NUMB: variants seen among roughly 807,000 people sequenced by gnomAD.
NUMB encodes the protein NUMB endocytic adaptor protein.
A neutral mutation model predicts 59.7 loss-of-function variants in NUMB; 29 were observed. That is an observed-to-expected ratio of 0.49 (90% confidence interval 0.36 to 0.66). The LOEUF is 0.66. Ranked by LOEUF, NUMB falls within the 30% of genes least tolerant of loss-of-function variation. The pLI is 0.00. For synonymous variants in NUMB, 288 were observed against 288.2 expected (o/e 1.00, Z 0.01); for missense variants, 723 against 822.0 (o/e 0.88, Z 1.47).
At chr14:73,434,965 G>C (rs1000924664) in intron 1 of NUMB, among the ~76,000 whole-genome samples, 2 of 151,884 alleles carry the variant, frequency 1.3e-5, no homozygotes, top group African/African-American at 2.4e-5. Flanking sequence ...AATAAATCTG[G>C]ATCCATAAGT....
At chr14:73,455,270 G>C (rs1794296151) in intron 1 of NUMB, among the ~76,000 whole-genome samples, 1 of 152,076 alleles carries the variant, frequency 6.6e-6, no homozygotes, top group Non-Finnish European at 1.5e-5. Context: ...AGATTTTAAA[G>C]AAAGCTGCAA....
chr14:73,397,906 C>G (rs752800563), intron 2 of NUMB, among the ~76,000 whole-genome samples: 1 of 152,148 alleles, frequency 6.6e-6, no homozygotes, highest in Non-Finnish European at 1.5e-5. Flanking sequence ...CTGTGTTAAC[C>G]TGGCCTTGAT....
intron 1 of NUMB, among the ~76,000 whole-genome samples, chr14:73,451,811 C>G (rs1329386743): frequency 2.6e-5 from 4 of 152,202 alleles, no homozygotes; most frequent in Non-Finnish European, 5.9e-5. Context: ...TTATTCAGAG[C>G]TAAGCAGTAT....
intron 2 of NUMB, among the ~76,000 whole-genome samples, chr14:73,398,036 T>C (rs1347061340): frequency 1.3e-5 from 2 of 152,018 alleles, no homozygotes; most frequent in Non-Finnish European, 2.9e-5. Flanking sequence ...TGCCCTAGAA[T>C]CCAAGCGGAA....
intron 4 of NUMB, among the ~76,000 whole-genome samples, chr14:73,343,763 A>G (rs74064611): frequency 7.8e-6 from 1 of 127,768 alleles, no homozygotes; most frequent in African/African-American, 3.1e-5. Context: ...CTTTGTGTTG[A>G]TATCAAAAAG....
intron 1 of NUMB, among the ~76,000 whole-genome samples, chr14:73,443,487 C>T (rs1232757034): frequency 6.6e-6 from 1 of 150,842 alleles, no homozygotes; most frequent in Non-Finnish European, 1.5e-5. Flanking sequence ...CCCAGCTAAT[C>T]AGGAGGCTGA....
chr14:73,294,560 G>C (rs1889628481), intron 7 of NUMB, among the ~76,000 whole-genome samples: 1 of 151,312 alleles, frequency 6.6e-6, no homozygotes, highest in African/African-American at 2.4e-5. Flanking sequence ...TGTCGCCCAG[G>C]CTGCTGGAGT....
chr14:73,431,376 C>T (rs1302463868), intron 1 of NUMB, among the ~76,000 whole-genome samples: 1 of 151,592 alleles, frequency 6.6e-6, no homozygotes, highest in Non-Finnish European at 1.5e-5. Context: ...GTGCTTTGGC[C>T]TCCCTAGTAG....
At chr14:73,322,343 G>A (rs1029490840) in intron 5 of NUMB, among the ~76,000 whole-genome samples, 1 of 152,204 alleles carries the variant, frequency 6.6e-6, no homozygotes, top group Admixed American at 6.5e-5. Context: ...TGAATACACA[G>A]GCATGTGCCT....
intron 1 of NUMB, among the ~76,000 whole-genome samples, chr14:73,434,590 G>A (rs1457333585): frequency 6.6e-6 from 1 of 152,150 alleles, no homozygotes; most frequent in Non-Finnish European, 1.5e-5. Flanking sequence ...TCTAGGCTGG[G>A]TGCAGTGGCT....
At chr14:73,316,047 T>C (rs1009897410) in intron 6 of NUMB, among the ~76,000 whole-genome samples, 8 of 152,048 alleles carry the variant, frequency 5.3e-5, no homozygotes, top group Admixed American at 2.6e-4. Flanking sequence ...TCACCTGTAT[T>C]GTATTTTTGG....
intron 11 of NUMB, chr14:73,281,573 G>C (rs927641084): frequency 6.6e-6 from 1 of 152,186 alleles, no homozygotes; most frequent in Admixed American, 6.5e-5. Flanking sequence ...AATTATAGCA[G>C]CTCAAATTCT....
At chr14:73,422,942 T>C (rs1897419764) in intron 1 of NUMB, among the ~76,000 whole-genome samples, 1 of 150,846 alleles carries the variant, frequency 6.6e-6, no homozygotes, top group Non-Finnish European at 1.5e-5. Context: ...TATTCCCAGA[T>C]GTTATAGTTT....
At chr14:73,302,278 AT>A (rs1890185713) in intron 6 of NUMB, among the ~76,000 whole-genome samples, 1 of 152,126 alleles carries the variant, frequency 6.6e-6, no homozygotes, top group Non-Finnish European at 1.5e-5. Context: ...CTTGTACATC[AT>A]TATAGTTTGC....
chr14:73,440,575 G>T (rs1882982181), intron 1 of NUMB, among the ~76,000 whole-genome samples: 1 of 151,932 alleles, frequency 6.6e-6, no homozygotes, highest in African/African-American at 2.4e-5. Flanking sequence ...GCCAGGGGAG[G>T]TGACTCACAC....
At chr14:73,383,037 T>C (rs748883568) in intron 2 of NUMB, among the ~76,000 whole-genome samples, 26 of 152,290 alleles carry the variant, frequency 1.7e-4, no homozygotes, top group Non-Finnish European at 3.5e-4. Context: ...TCCCAGCTAC[T>C]TGGGAGGCTG....
chr14:73,417,223 C>T (rs1897164532), intron 1 of NUMB, among the ~76,000 whole-genome samples: 1 of 152,066 alleles, frequency 6.6e-6, no homozygotes, highest in African/African-American at 2.4e-5. Context: ...GGATGCCAGA[C>T]AAGGACTCAG....
At chr14:73,371,686 G>A (rs1894680565) in intron 2 of NUMB, among the ~76,000 whole-genome samples, 1 of 152,120 alleles carries the variant, frequency 6.6e-6, no homozygotes, top group African/African-American at 2.4e-5. Flanking sequence ...GAGCACTTAA[G>A]GAGTGATTAG....
intron 3 of NUMB, among the ~76,000 whole-genome samples, chr14:73,362,472 T>C (rs1177032873): frequency 1.3e-5 from 2 of 152,076 alleles, no homozygotes; most frequent in Non-Finnish European, 2.9e-5. Flanking sequence ...AGATAGCATC[T>C]CACTCTTGTC....
Sources: gnomAD v4.1 joint callset for allele counts (sites outside exome capture counted in the v4.1 genomes callset) on GRCh38, gnomAD v4.1.1 for gene constraint, MANE v1.5 for transcripts, NCBI Gene and HGNC (gene_info 2026-07-23, HGNC 2026-07-21) for gene names.